CTIF: variants seen among roughly 807,000 people sequenced by gnomAD.
CTIF encodes cap binding complex dependent translation initiation factor.
In CTIF, 21 loss-of-function variants were observed where a neutral mutation model predicts 66.0. The ratio of observed to expected loss-of-function variants is 0.32; its 90% confidence interval spans 0.23 to 0.46. CTIF has a LOEUF of 0.46. CTIF is among the 20% of genes least tolerant of loss of function. The probability of loss-of-function intolerance (pLI) is 1.00; values close to 1 mark genes in which losing one functional copy is unlikely to be tolerated. For missense variants in CTIF, 739 were observed against 812.7 expected (o/e 0.91, Z 1.10); for synonymous variants, 345 against 326.4 (o/e 1.06, Z -0.62).
chr18:48,675,439 C>G (rs1270849893), intron 6 of CTIF, among the ~76,000 whole-genome samples: 1 of 152,232 alleles, frequency 6.6e-6, no homozygotes. Context: ...GCGCACCACT[C>G]TGCAGGCTCC....
chr18:48,611,540 A>G (rs1279439434), intron 1 of CTIF, among the ~76,000 whole-genome samples: 1 of 152,144 alleles, frequency 6.6e-6, no homozygotes, highest in African/African-American at 2.4e-5. Context: ...GACGTGCAAG[A>G]TTTTCTAGAT....
intron 1 of CTIF, among the ~76,000 whole-genome samples, chr18:48,582,719 G>A (rs2089687552): frequency 6.6e-6 from 1 of 152,118 alleles, no homozygotes; most frequent in Non-Finnish European, 1.5e-5. Flanking sequence ...GGTTAGAGCT[G>A]CTGCTCTGCG....
intron 1 of CTIF, among the ~76,000 whole-genome samples, chr18:48,560,622 G>C (rs2089136359): frequency 6.6e-6 from 1 of 152,122 alleles, no homozygotes; most frequent in African/African-American, 2.4e-5. Context: ...CCAGGCTGGA[G>C]TACAGTGGTG....
chr18:48,851,463 C>T (rs1490222540), intron 10 of CTIF, among the ~76,000 whole-genome samples: 3 of 152,320 alleles, frequency 2.0e-5, no homozygotes, highest in Non-Finnish European at 2.9e-5. Flanking sequence ...GCCCTGTCAG[C>T]GTCTCCCTCT....
chr18:48,620,298 C>G (rs987849833), intron 2 of CTIF, among the ~76,000 whole-genome samples: 3 of 152,206 alleles, frequency 2.0e-5, no homozygotes, highest in African/African-American at 7.2e-5. Context: ...CCTGCACCCT[C>G]CTGCCTCAGT....
chr18:48,557,181 G>C (rs2089042023), intron 1 of CTIF, among the ~76,000 whole-genome samples: 1 of 152,122 alleles, frequency 6.6e-6, no homozygotes, highest in Admixed American at 6.5e-5. Context: ...TGGTGGGGAA[G>C]AGATAGAGAA....
At chr18:48,775,820 G>A (rs1910614868) in intron 9 of CTIF, among the ~76,000 whole-genome samples, 1 of 152,212 alleles carries the variant, frequency 6.6e-6, no homozygotes, top group Non-Finnish European at 1.5e-5. Flanking sequence ...AGGGACTGGG[G>A]GTTGCAGAGG....
At chr18:48,619,441 G>C (rs1297971435) in intron 1 of CTIF, 97 bp from the exon 2 acceptor site, 1 of 767,548 alleles carries the variant, frequency 1.3e-6, no homozygotes, top group African/African-American at 1.8e-5. Flanking sequence ...TGATGGATAA[G>C]AAGATGCTTC....
chr18:48,648,319 T>G (rs2091088684), intron 3 of CTIF, among the ~76,000 whole-genome samples: 1 of 152,132 alleles, frequency 6.6e-6, no homozygotes, highest in Non-Finnish European at 1.5e-5. Context: ...ATGAAAGGAA[T>G]GGCCTTTCCC....
At chr18:48,676,125 C>T (rs2091625123) in intron 6 of CTIF, among the ~76,000 whole-genome samples, 1 of 152,068 alleles carries the variant, frequency 6.6e-6, no homozygotes, top group Non-Finnish European at 1.5e-5. Flanking sequence ...GACGGTCTAA[C>T]GGGCATGTTG....
intron 9 of CTIF, among the ~76,000 whole-genome samples, chr18:48,798,538 A>G (rs1450391825): frequency 6.6e-6 from 1 of 152,194 alleles, no homozygotes; most frequent in Non-Finnish European, 1.5e-5. Context: ...CACAGTACTG[A>G]GTTCCGAGTC....
intron 3 of CTIF, among the ~76,000 whole-genome samples, chr18:48,660,733 C>G (rs1202578773): frequency 6.6e-6 from 1 of 152,260 alleles, no homozygotes; most frequent in East Asian, 1.9e-4. Context: ...TGTCCTCGCT[C>G]CCTGCCAGTT....
intron 6 of CTIF, chr18:48,673,761 CA>C (rs2091578286): frequency 6.6e-6 from 1 of 152,116 alleles, no homozygotes; most frequent in Non-Finnish European, 1.5e-5. Context: ...GAATATGGCC[CA>C]AAACAAATTT....
intron 6 of CTIF, among the ~76,000 whole-genome samples, chr18:48,701,038 G>A (rs534199111): frequency 3.9e-4 from 59 of 152,298 alleles, no homozygotes; most frequent in African/African-American, 1.4e-3. Flanking sequence ...AGGCCAGAAC[G>A]CAAACATTGC....
At position 48,570,672 on chromosome 18, in the gene CTIF, C is replaced by T. The variant is rs144698146; in HGVS notation, c.-29+31360C>T. The stretch of plus-strand genomic sequence containing the variant: ...GTAAGTTGAGAACAAAATCAAAAGT[C>T]GAAGGGGAGTTACTGTGGCCAAGAG... On this transcript the variant is annotated intron_variant, in intron 1 of 11. Coordinates refer to ENST00000256413, the MANE Select transcript of CTIF (RefSeq NM_014772.3). Among the ~76,000 whole-genome samples the T allele has an allele frequency of 6.8e-4, 103 of 152,200 alleles. 3 individuals carry two copies. The South Asian group carries it at 0.016, about 24-fold the overall frequency.
At chr18:48,648,657 T>C (rs1214558750) in intron 3 of CTIF, among the ~76,000 whole-genome samples, 1 of 152,234 alleles carries the variant, frequency 6.6e-6, no homozygotes, top group Non-Finnish European at 1.5e-5. Context: ...GTTTCAGATC[T>C]GGCCCATAGG....
chr18:48,619,671 C>G lies in CTIF; in HGVS notation c.106C>G (p.Gln36Glu), dbSNP rs757321888. The stretch of plus-strand genomic sequence containing the variant: ...CATCGACAGCTACGTGCTGGAGTAC[C>G]AGGTGCAGGGGCTGCTGGCTGACAA... The part of the protein sequence containing the change: ...RFIDSYVLEY[Q>E]VQGLLADKTE... Residue 36 changes from glutamine (Q) to glutamate (E), a missense_variant, in exon 2 of 12, where the codon CAG becomes GAG. By Grantham distance (29) the Gln-to-Glu change is conservative. Around this residue, in one of 2 missense-constraint regions of CTIF, gnomAD observed 529 missense variants for 520.3 expected, o/e 1.02. Transcript: ENST00000256413. 1 of 1,607,442 alleles carries G rather than the reference C, an allele frequency of 6.2e-7. No individual in the cohort carries two copies. Among genetic ancestry groups the G allele is most frequent in the Middle Eastern group, 1.7e-4 (1 of 6,056 alleles).
chr18:48,686,136 G>C (rs1398252474), intron 6 of CTIF, among the ~76,000 whole-genome samples: 1 of 152,108 alleles, frequency 6.6e-6, no homozygotes, highest in Non-Finnish European at 1.5e-5. Flanking sequence ...AGCAAATAGT[G>C]GTTTTAAAAA....
chr18:48,739,507 C>A (rs2092536244), intron 7 of CTIF, among the ~76,000 whole-genome samples: 1 of 152,238 alleles, frequency 6.6e-6, no homozygotes, highest in Non-Finnish European at 1.5e-5. Context: ...TCTGCCCTTG[C>A]TCACTCTCTG....
Sources: gnomAD v4.1 joint callset for allele counts (sites outside exome capture counted in the v4.1 genomes callset) on GRCh38, gnomAD v4.1.1 for gene constraint, gnomAD v4.1.1 regional missense constraint, MANE v1.5 for transcripts, NCBI Gene and HGNC (gene_info 2026-07-23, HGNC 2026-07-21) for gene names.